ZNF710: variants seen among roughly 807,000 people sequenced by gnomAD.
ZNF710 encodes zinc finger protein 710.
A neutral mutation model predicts 50.6 loss-of-function variants in ZNF710; 13 were observed. That is an observed-to-expected ratio of 0.26 (90% CI 0.17 to 0.41). The LOEUF is 0.41. Ranked by LOEUF, ZNF710 falls within the 10% of genes least tolerant of loss-of-function variation. ZNF710 has a pLI of 1.00. For synonymous variants in ZNF710, 383 were observed against 397.0 expected (o/e 0.96, Z 0.42); for missense variants, 721 against 936.6 (o/e 0.77, Z 3.01).
At chr15:90,038,051 G>C in intron 1 of ZNF710, among the ~76,000 whole-genome samples, 1 of 152,236 alleles carries the variant, frequency 6.6e-6, no homozygotes, top group South Asian at 2.1e-4. Flanking sequence ...CCCAGGTACT[G>C]ATTTCCCCTC....
intron 2 of ZNF710, among the ~76,000 whole-genome samples, chr15:90,069,878 G>T (rs926070982): frequency 6.6e-6 from 1 of 152,182 alleles, no homozygotes; most frequent in East Asian, 1.9e-4. Flanking sequence ...CACCTCCTCT[G>T]AGAGGCCCTC....
intron 1 of ZNF710, among the ~76,000 whole-genome samples, chr15:90,018,198 T>C (rs149797869): frequency 0.014 from 2,131 of 151,068 alleles, 53 homozygotes; most frequent in African/African-American, 0.049. Flanking sequence ...AAATGGAGTC[T>C]TGCTCTGTCA....
chr15:90,045,074 C>T (rs1388718155), intron 1 of ZNF710, among the ~76,000 whole-genome samples: 2 of 152,148 alleles, frequency 1.3e-5, no homozygotes, highest in African/African-American at 4.8e-5. Flanking sequence ...CCTTTGACTC[C>T]CCCACATAAG....
At chr15:90,074,344 T>G in intron 4 of ZNF710, 54 bp downstream of exon 4, 1 of 1,602,080 alleles carries the variant, frequency 6.2e-7, no homozygotes, top group South Asian at 1.1e-5. Flanking sequence ...CATGACGCAC[T>G]CAGGAGCCTC....
chr15:90,001,983 G>A (rs1256258441), intron 1 of ZNF710, among the ~76,000 whole-genome samples: 3 of 148,988 alleles, frequency 2.0e-5, no homozygotes, highest in Non-Finnish European at 4.5e-5. Flanking sequence ...GAGAGAGAGA[G>A]AGAGAGAGAG....
chr15:90,033,938 A>G (rs1184972702), intron 1 of ZNF710, among the ~76,000 whole-genome samples: 1 of 152,198 alleles, frequency 6.6e-6, no homozygotes, highest in African/African-American at 2.4e-5. Context: ...GCGGTGGCTC[A>G]TGCCTGTAAT....
chr15:90,031,964 G>A (rs1898961739), intron 1 of ZNF710, among the ~76,000 whole-genome samples: 1 of 152,194 alleles, frequency 6.6e-6, no homozygotes, highest in African/African-American at 2.4e-5. Context: ...AAGCCATCCA[G>A]CTACTAACAT....
chr15:90,024,971 C>T (rs1567224567), intron 1 of ZNF710: 1 of 152,220 alleles, frequency 6.6e-6, no homozygotes, highest in East Asian at 1.9e-4. Flanking sequence ...TTTGAGTGGG[C>T]TTTAGAGATC....
At chr15:90,020,527 G>GAACC (rs1201606472) in intron 1 of ZNF710, among the ~76,000 whole-genome samples, 1 of 152,098 alleles carries the variant, frequency 6.6e-6, no homozygotes, top group African/African-American at 2.4e-5. Flanking sequence ...CTGCCGGGAT[G>GAACC]GGTTACAAAA....
At chr15:90,008,106 G>A (rs1367548608) in intron 1 of ZNF710, among the ~76,000 whole-genome samples, 2 of 152,068 alleles carry the variant, frequency 1.3e-5, no homozygotes, top group Admixed American at 1.3e-4. Context: ...TTCTGAAAGG[G>A]AGGGATTAAA....
At chr15:90,044,719 C>G (rs1179366958) in intron 1 of ZNF710, among the ~76,000 whole-genome samples, 1 of 152,182 alleles carries the variant, frequency 6.6e-6, no homozygotes, top group Non-Finnish European at 1.5e-5. Context: ...CCTCTGAGAG[C>G]CGACATATGC....
chr15:90,047,439 T>C (rs890136314), intron 1 of ZNF710, among the ~76,000 whole-genome samples: 5 of 152,198 alleles, frequency 3.3e-5, no homozygotes, highest in African/African-American at 1.2e-4. Context: ...GGCCTTCAAC[T>C]CTAGAGTCTG....
At chr15:90,074,083 A>C (rs1184363881) in intron 3 of ZNF710, 33 bp from the exon 4 acceptor site, 1 of 1,580,202 alleles carries the variant, frequency 6.3e-7, no homozygotes, top group South Asian at 1.2e-5. Context: ...CAGGTTCCCC[A>C]CAGGCTCAGG....
chr15:90,015,747 C>T (rs1898436018), intron 1 of ZNF710, among the ~76,000 whole-genome samples: 1 of 151,976 alleles, frequency 6.6e-6, no homozygotes, highest in African/African-American at 2.4e-5. Flanking sequence ...AGGCGCATGC[C>T]CGTAAATACT....
chr15:90,027,673 A>G (rs1717809374), intron 1 of ZNF710, among the ~76,000 whole-genome samples: 1 of 151,950 alleles, frequency 6.6e-6, no homozygotes, highest in Non-Finnish European at 1.5e-5. Context: ...CCAACATGGC[A>G]AAACCCTGTC....
chr15:90,032,775 CAAAAA>C (rs35943176), intron 1 of ZNF710, among the ~76,000 whole-genome samples: 19 of 111,188 alleles, frequency 1.7e-4, no homozygotes, highest in Admixed American at 1.9e-4. Context: ...GATTCCATCT[CAAAAA>C]AAAAAAAAAA....
chr15:90,068,373 C>T lies in ZNF710; in HGVS notation c.1236C>T (p.Cys412=), dbSNP rs773810296. The T allele has an allele frequency of 4.2e-5, 68 of 1,612,178 alleles. No individual in the cohort carries two copies. In the South Asian group the frequency reaches 4.8e-4, roughly 11 times the overall value. The change falls in exon 2 of 5, where the codon TGC becomes TGT. Residue 412 remains cysteine (C), a synonymous_variant. Coordinates refer to ENST00000268154, the MANE Select transcript of ZNF710 (RefSeq NM_198526.4). This position sits in a 1 kb window ranked among gnomAD's most constrained non-coding sequence, Gnocchi z 5.0. ...GCCGCTGCCATGTCTGCGTCGAGTG[C>T]GGCCTGGACTTCTCCACCCTGACCC... ...ESGRCHVCVE[C]GLDFSTLTQL...
intron 1 of ZNF710, among the ~76,000 whole-genome samples, chr15:90,045,897 C>T (rs1394921599): frequency 1.4e-4 from 21 of 152,090 alleles, no homozygotes; most frequent in Admixed American, 1.2e-3. Context: ...CCGCATGTCT[C>T]GGCACATTTC....
intron 1 of ZNF710, among the ~76,000 whole-genome samples, chr15:90,065,286 T>A (rs936393546): frequency 5.9e-5 from 9 of 152,148 alleles, no homozygotes; most frequent in Admixed American, 2.6e-4. Context: ...CCGCCGACCG[T>A]GTGCCTGACC....
Sources: allele counts gnomAD v4.1 joint callset (sites outside exome capture counted in the v4.1 genomes callset), GRCh38; gene constraint gnomAD v4.1.1; non-coding constraint Gnocchi (gnomAD v3.1); transcripts MANE v1.5; gene names NCBI Gene and HGNC (gene_info 2026-07-23, HGNC 2026-07-21).